Variants in ADAMTSL1 observed in about 807,000 individuals in gnomAD.
The protein encoded by ADAMTSL1 is ADAMTS like 1.
Under a neutral mutation model 201.8 loss-of-function variants are expected in ADAMTSL1, and 126 were observed. That is an observed-to-expected ratio of 0.62 (90% CI 0.54 to 0.72). The LOEUF is 0.72. Ranked by LOEUF, ADAMTSL1 falls within the 30% of genes least tolerant of loss-of-function variation. The probability of loss-of-function intolerance (pLI) is 0.00; values close to 1 mark genes in which losing one functional copy is unlikely to be tolerated. For synonymous variants in ADAMTSL1, 1,121 were observed against 903.4 expected, an observed-to-expected ratio of 1.24 and a Z score of -4.32; for missense variants, 2,679 against 2,277.8, an observed-to-expected ratio of 1.18 and a Z score of -3.59.
intron 2 of ADAMTSL1, among the ~76,000 whole-genome samples, chr9:18,416,710 A>T (rs1306849535): frequency 6.6e-6 from 1 of 152,028 alleles, no homozygotes; most frequent in Non-Finnish European, 1.5e-5. Context: ...TAGAGGAGTC[A>T]ATACATTAGG....
rs554501682 is a variant in ADAMTSL1 at position 18,671,536 on chromosome 9, A to G, written c.1086-4321A>G. Among the ~76,000 whole-genome samples the G allele has an allele frequency of 4.6e-5, 7 of 152,326 alleles. No individual in the cohort carries two copies. In the South Asian group the frequency reaches 1.4e-3, roughly 32 times the overall value. Reference sequence around the variant, plus strand: ...GTGTACAGTGGATAGGAGAATTGCCATGACTGAATGGTGGTCGTGATAACA... The same window carrying G: ...GTGTACAGTGGATAGGAGAATTGCCGTGACTGAATGGTGGTCGTGATAACA... On this transcript the variant is annotated intron_variant, in intron 9 of 28. Transcript: ENST00000380548.
intron 1 of ADAMTSL1, among the ~76,000 whole-genome samples, chr9:18,064,473 T>C (rs777623940): frequency 6.6e-6 from 1 of 152,192 alleles, no homozygotes; most frequent in African/African-American, 2.4e-5. Flanking sequence ...AGGCTATCTA[T>C]AGGAACATAA....
At chr9:18,357,222 T>C (rs1043851624) in intron 2 of ADAMTSL1, among the ~76,000 whole-genome samples, 1 of 152,132 alleles carries the variant, frequency 6.6e-6, no homozygotes, top group African/African-American at 2.4e-5. Context: ...TTGGTTAAAA[T>C]TGTAAGTAGG....
Position 18,367,635 on chromosome 9 carries a change from T to TA in ADAMTSL1, c.208-137193dup, listed in dbSNP as rs200826588. ...CCACTGTTGTTCTAAGCACTTTACA[T>TA]ATTCTAATTCAACCCTCAAAATAAC... On this transcript the variant is annotated intron_variant, in intron 2 of 29. Transcript: ENST00000680146. Among the ~76,000 whole-genome samples, 799 of 152,218 alleles carry TA rather than the reference T, an allele frequency of 5.2e-3. 8 individuals carry two copies. Among genetic ancestry groups the TA allele is most frequent in the African/African-American group, 0.019 (771 of 41,560 alleles).
At chr9:18,793,496 C>A (rs1456366085) in intron 19 of ADAMTSL1, among the ~76,000 whole-genome samples, 1 of 152,214 alleles carries the variant, frequency 6.6e-6, no homozygotes, top group Non-Finnish European at 1.5e-5. Flanking sequence ...ACCACAGAGT[C>A]TTAATGAGTT....
intron 1 of ADAMTSL1, among the ~76,000 whole-genome samples, chr9:17,956,576 C>A (rs915389515): frequency 8.5e-5 from 13 of 152,078 alleles, no homozygotes; most frequent in African/African-American, 2.7e-4. Flanking sequence ...GGGTGCTGAC[C>A]CACCTGAAGG....
intron 26 of ADAMTSL1, among the ~76,000 whole-genome samples, chr9:18,894,856 C>A (rs191340004): frequency 2.4e-4 from 36 of 152,068 alleles, no homozygotes; most frequent in Admixed American, 2.0e-3. Context: ...CAGGACAGAA[C>A]CCTGAGGAAC....
intron 2 of ADAMTSL1, among the ~76,000 whole-genome samples, chr9:18,387,630 GTTTA>G (rs747794042): frequency 9.9e-5 from 15 of 151,420 alleles, no homozygotes; most frequent in South Asian, 2.1e-4. Context: ...CATAGTTCTA[GTTTA>G]TTTATTTTCA....
chr9:18,585,569 T>C (rs756605054), intron 4 of ADAMTSL1, among the ~76,000 whole-genome samples: 1 of 152,120 alleles, frequency 6.6e-6, no homozygotes, highest in Non-Finnish European at 1.5e-5. Context: ...CTTCAAATTA[T>C]ATTATTTCTA....
At chr9:18,730,323 T>A in intron 15 of ADAMTSL1, among the ~76,000 whole-genome samples, 1 of 152,340 alleles carries the variant, frequency 6.6e-6, no homozygotes, top group South Asian at 2.1e-4. Context: ...GAAAAAGAGA[T>A]GTTTAAGTGA....
chr9:18,104,428 C>A (rs1280001158), intron 1 of ADAMTSL1, among the ~76,000 whole-genome samples: 1 of 152,156 alleles, frequency 6.6e-6, no homozygotes, highest in African/African-American at 2.4e-5. Flanking sequence ...CTGGAGCCTC[C>A]ATAATTTCCA....
intron 2 of ADAMTSL1, among the ~76,000 whole-genome samples, chr9:18,182,794 G>A (rs11789984): frequency 0.24 from 36,754 of 152,132 alleles, 4,629 homozygotes; most frequent in Non-Finnish European, 0.28. Flanking sequence ...ATGCTTTGTA[G>A]GTAGTAGAAT....
intron 20 of ADAMTSL1, among the ~76,000 whole-genome samples, chr9:18,802,726 A>G (rs1431974037): frequency 6.6e-6 from 1 of 152,210 alleles, no homozygotes; most frequent in Non-Finnish European, 1.5e-5. Context: ...ATACACACCT[A>G]GGAGTGAAAT....
chr9:17,974,627 G>C (rs553821028), intron 1 of ADAMTSL1, among the ~76,000 whole-genome samples: 117 of 151,910 alleles, frequency 7.7e-4, no homozygotes, highest in African/African-American at 2.7e-3. Context: ...TTATCTTTCT[G>C]TGCCTTGCTT....
At chr9:18,409,434 C>G (rs75218107) in intron 2 of ADAMTSL1, among the ~76,000 whole-genome samples, 3,229 of 148,650 alleles carry the variant, frequency 0.022, 122 homozygotes, top group African/African-American at 0.076. Flanking sequence ...AAACTGACAT[C>G]CAAAGAAATG....
At chr9:18,795,273 T>G in intron 19 of ADAMTSL1, 124 bp from the exon 20 acceptor site, 1 of 1,255,002 alleles carries the variant, frequency 8.0e-7, no homozygotes, top group Admixed American at 2.4e-5. Context: ...GTAGCTGGTT[T>G]GTCTCTGTTG....
At chr9:17,998,311 A>T (rs530112926) in intron 1 of ADAMTSL1, among the ~76,000 whole-genome samples, 1 of 152,214 alleles carries the variant, frequency 6.6e-6, no homozygotes, top group South Asian at 2.1e-4. Flanking sequence ...TTAAGAAAAG[A>T]TAAAAGAATA....
chr9:18,319,157 G>A (rs1834524387), intron 2 of ADAMTSL1, among the ~76,000 whole-genome samples: 1 of 152,044 alleles, frequency 6.6e-6, no homozygotes. Context: ...GCTGCACTGA[G>A]CCATGAAGGT....
intron 1 of ADAMTSL1, among the ~76,000 whole-genome samples, chr9:17,958,931 C>T (rs1453677732): frequency 1.3e-5 from 2 of 152,082 alleles, no homozygotes; most frequent in African/African-American, 4.8e-5. Context: ...TAAATCAAGA[C>T]CCTGTAAGTA....
Sources: gnomAD v4.1 joint callset for allele counts (sites outside exome capture counted in the v4.1 genomes callset) on GRCh38, gnomAD v4.1.1 for gene constraint, MANE v1.5 for transcripts, NCBI Gene and HGNC (gene_info 2026-07-23, HGNC 2026-07-21) for gene names.